DNAI1: variants seen among roughly 807,000 people sequenced by gnomAD.
The protein encoded by DNAI1 is dynein axonemal intermediate chain 1.
In DNAI1, 67 loss-of-function variants were observed where a neutral mutation model predicts 92.0. That is an observed-to-expected ratio of 0.73 (90% CI 0.60 to 0.89). The LOEUF is 0.89. DNAI1 is among the 40% of genes least tolerant of loss of function. The pLI is 0.00. For missense variants in DNAI1, 839 were observed against 866.6 expected (o/e 0.97, Z 0.40); for synonymous variants, 323 against 319.6 (o/e 1.01, Z -0.11).
chr9:34,502,403 C>G (rs1824848487), intron 12 of DNAI1, among the ~76,000 whole-genome samples: 1 of 152,134 alleles, frequency 6.6e-6, no homozygotes, highest in Admixed American at 6.5e-5. Flanking sequence ...TTGGGCAGGC[C>G]CTCCCAGGAG....
Position 34,490,558 on chromosome 9 carries a change from C to G in DNAI1, c.621+70C>G. Reference sequence around the variant, plus strand: ...CCTGGCAGGGAAGAAGCAGGCCTGACCCTGGCCCTAGCAGACCTCAGCCTG... The same window carrying G: ...CCTGGCAGGGAAGAAGCAGGCCTGAGCCTGGCCCTAGCAGACCTCAGCCTG... On this transcript the variant is annotated intron_variant, in intron 7 of 19. Transcript: ENST00000242317. 3.7e-6 allele frequency: 6 copies of G among 1,607,466 alleles called. No homozygotes were observed. In the South Asian group the frequency reaches 6.6e-5, roughly 18 times the overall value.
intron 12 of DNAI1, among the ~76,000 whole-genome samples, chr9:34,502,522 G>A (rs138445147): frequency 8.2e-4 from 125 of 152,270 alleles, no homozygotes; most frequent in Non-Finnish European, 1.1e-3. Context: ...AACTGCTTCA[G>A]TTTTAGCGCT....
At chr9:34,519,632 A>C (rs1037564324) in intron 19 of DNAI1, among the ~76,000 whole-genome samples, 2 of 152,084 alleles carry the variant, frequency 1.3e-5, no homozygotes, top group South Asian at 2.1e-4. Context: ...AGCAGGGGGA[A>C]ATCTGAGCTC....
At chr9:34,481,624 AT>A (rs1824356947) in intron 1 of DNAI1, among the ~76,000 whole-genome samples, 1 of 152,040 alleles carries the variant, frequency 6.6e-6, no homozygotes, top group Non-Finnish European at 1.5e-5. Flanking sequence ...TGATGTTCAG[AT>A]GTGTTCCGAG....
At chr9:34,500,351 C>T (rs1233760489) in intron 10 of DNAI1, among the ~76,000 whole-genome samples, 1 of 152,090 alleles carries the variant, frequency 6.6e-6, no homozygotes, top group Non-Finnish European at 1.5e-5. Context: ...CAGCTGAACC[C>T]TTGAAATTTG....
chr9:34,517,398 CATT>C lies in DNAI1; in HGVS notation c.1933_1935del (p.Ile645del), dbSNP rs1395314016. 4 of 1,614,220 alleles carry C rather than the reference CATT, an allele frequency of 2.5e-6. No individual in the cohort carries two copies. Among genetic ancestry groups the C allele is most frequent in the Non-Finnish European group, 3.4e-6 (4 of 1,180,040 alleles). On this transcript the variant is annotated inframe_deletion, in exon 19 of 20. Coordinates refer to ENST00000242317, the MANE Select transcript of DNAI1 (RefSeq NM_012144.4). ...AGTTCAATCTCATCCACCCCATCAT[CATT>C]GTGGGCGATGACCGTGGGCACATCA...
At chr9:34,519,869 C>G (rs1006854155) in intron 19 of DNAI1, among the ~76,000 whole-genome samples, 25 of 152,194 alleles carry the variant, frequency 1.6e-4, no homozygotes, top group African/African-American at 6.0e-4. Context: ...CCTCACCCCC[C>G]TGCCTGGACA....
At chr9:34,460,863 C>T (rs934774176) in intron 1 of DNAI1, among the ~76,000 whole-genome samples, 8 of 151,724 alleles carry the variant, frequency 5.3e-5, no homozygotes, top group South Asian at 2.1e-4. Flanking sequence ...ATTTTTGAGA[C>T]GGAGTCTTGC....
rs549936914 is a variant in DNAI1 at position 34,471,156 on chromosome 9, G to A, written c.48+12103G>A. On this transcript the variant is annotated intron_variant, in intron 1 of 19. Transcript: ENST00000242317. Reference sequence around the variant, plus strand: ...TATTAGAAAAGAAAGGCTAAGTGTGGTGGCTCATGCCTGTAATCCCAGCAC... The same window carrying A: ...TATTAGAAAAGAAAGGCTAAGTGTGATGGCTCATGCCTGTAATCCCAGCAC... Among the ~76,000 whole-genome samples, 10 of 152,246 alleles carry A rather than the reference G, an allele frequency of 6.6e-5. No individual in the cohort carries two copies. In the South Asian group the frequency reaches 2.1e-3, roughly 32 times the overall value.
At chr9:34,512,500 TTCCCCTGACTGAGTGCTC>T in intron 15 of DNAI1, 76 bp downstream of exon 15, 1 of 1,384,502 alleles carries the variant, frequency 7.2e-7, no homozygotes. Context: ...ACAGTGGTCC[TTCCCCTGACTGAGTGCTC>T]CCTCCCCAAC....
chr9:34,473,628 T>G (rs924181135), intron 1 of DNAI1, among the ~76,000 whole-genome samples: 9 of 152,188 alleles, frequency 5.9e-5, no homozygotes, highest in Non-Finnish European at 1.3e-4. Context: ...CCTAGCATAT[T>G]TATAATTTTT....
At chr9:34,472,279 C>G (rs143119332) in intron 1 of DNAI1, among the ~76,000 whole-genome samples, 10 of 152,182 alleles carry the variant, frequency 6.6e-5, no homozygotes, top group Non-Finnish European at 1.3e-4. Flanking sequence ...CTTACAGATG[C>G]AGAAATGAAG....
intron 9 of DNAI1, among the ~76,000 whole-genome samples, 197 bp from the exon 10 acceptor site, chr9:34,496,918 G>C (rs1173538149): frequency 6.6e-6 from 1 of 152,212 alleles, no homozygotes; most frequent in African/African-American, 2.4e-5. Flanking sequence ...TGTGCCACTT[G>C]TGAGGTAGGA....
At chr9:34,519,860 C>G (rs554800905) in intron 19 of DNAI1, among the ~76,000 whole-genome samples, 1 of 152,300 alleles carries the variant, frequency 6.6e-6, no homozygotes, top group South Asian at 2.1e-4. Flanking sequence ...CAGCACAGCC[C>G]TCACCCCCCT....
chr9:34,509,589 T>C (rs1321070408), intron 13 of DNAI1, among the ~76,000 whole-genome samples: 1 of 151,298 alleles, frequency 6.6e-6, no homozygotes, highest in African/African-American at 2.4e-5. Flanking sequence ...CATCAGAGAG[T>C]TTGGGGCAGA....
intron 4 of DNAI1, 23 bp from the exon 5 acceptor site, chr9:34,489,300 T>C: frequency 6.2e-7 from 1 of 1,613,684 alleles, no homozygotes; most frequent in Non-Finnish European, 8.5e-7. Flanking sequence ...ATCCCTGGTC[T>C]GACTCAGCCC....
Position 34,459,029 on chromosome 9 carries a change from T to C in DNAI1, c.24T>C (p.Ala8=), listed in dbSNP as rs1198192049. 1 of 1,614,130 alleles carries C rather than the reference T, an allele frequency of 6.2e-7. No individual in the cohort carries two copies. The highest frequency in any genetic ancestry group is 1.1e-5 in the South Asian group (1 of 91,082). The change falls in exon 1 of 20, where the codon GCT becomes GCC. Residue 8 remains alanine (A), a synonymous_variant. Transcript: ENST00000242317. MIPASAK[A]PHKQPHKQSI... ...AGATGATTCCTGCTTCTGCGAAGGC[T>C]CCCCATAAACAGCCTCATAAGCAGG...
At chr9:34,480,666 G>A (rs1431526623) in intron 1 of DNAI1, among the ~76,000 whole-genome samples, 4 of 152,080 alleles carry the variant, frequency 2.6e-5, no homozygotes, top group Non-Finnish European at 5.9e-5. Context: ...ACCTTTGGCC[G>A]GGTGCAGTGG....
In DNAI1 at chr9:34,501,181, TG is replaced by T. The variant is rs1564037249; in HGVS notation, c.1063+1del. 1 of 1,611,742 alleles carries T rather than the reference TG, an allele frequency of 6.2e-7. No individual in the cohort carries two copies. ...TCTGTTTGCAGTGGGATATGGCTCT[TG>T]TAAGTGATCTGACTATTCATTTATT... On this transcript the variant is annotated splice_donor_variant, in intron 12 of 19. Coordinates refer to ENST00000242317, the MANE Select transcript of DNAI1 (RefSeq NM_012144.4). LOFTEE classifies it high-confidence loss of function.
Sources: allele counts gnomAD v4.1 joint callset (sites outside exome capture counted in the v4.1 genomes callset), GRCh38; gene constraint gnomAD v4.1.1; transcripts MANE v1.5; gene names NCBI Gene and HGNC (gene_info 2026-07-23, HGNC 2026-07-21).